The following COL19A1 variants were observed in gnomAD, a reference collection of about 807,000 sequenced individuals.
COL19A1 encodes collagen alpha-1(XIX) chain.
A neutral mutation model predicts 190.2 loss-of-function variants in COL19A1; 159 were observed. The observed-to-expected ratio is 0.84, with a 90% CI of 0.73 to 0.95. The LOEUF (loss-of-function observed/expected upper bound fraction) is 0.95, where lower values mean the gene tolerates loss of function less well. Among genes scored for constraint, COL19A1 ranks in the 40% least tolerant of loss-of-function variants. COL19A1 has a pLI of 0.00. For synonymous variants in COL19A1, 509 were observed against 458.9 expected (o/e 1.11, Z -1.39); for missense variants, 1,418 against 1,431.9 (o/e 0.99, Z 0.16).
intron 44 of COL19A1, among the ~76,000 whole-genome samples, chr6:70,180,818 T>G (rs1367753455): frequency 6.6e-6 from 1 of 152,228 alleles, no homozygotes; most frequent in Non-Finnish European, 1.5e-5. Flanking sequence ...GAAAATATAA[T>G]GGCCTGTCAT....
chr6:69,992,178 C>T (rs897104231), intron 11 of COL19A1, among the ~76,000 whole-genome samples: 4 of 152,052 alleles, frequency 2.6e-5, no homozygotes, highest in African/African-American at 4.8e-5. Flanking sequence ...TGCTTGTTTT[C>T]GTAAGCCTTG....
At chr6:70,142,125 A>C in intron 22 of COL19A1, 49 bp downstream of exon 22, 1 of 1,545,104 alleles carries the variant, frequency 6.5e-7, no homozygotes, top group South Asian at 1.2e-5. Context: ...TGGGAATTGT[A>C]GCCATTCTGT....
At chr6:70,126,835 G>A (rs1785229561) in intron 17 of COL19A1, among the ~76,000 whole-genome samples, 1 of 152,214 alleles carries the variant, frequency 6.6e-6, no homozygotes. Context: ...CTAGCCTCTG[G>A]TGGTTCCTTG....
intron 11 of COL19A1, among the ~76,000 whole-genome samples, chr6:69,994,834 T>C (rs759184388): frequency 2.6e-5 from 4 of 152,060 alleles, no homozygotes; most frequent in Non-Finnish European, 4.4e-5. Flanking sequence ...CATTTGCATC[T>C]GAGAAGAGGA....
chr6:70,184,393 A>G (rs1183728724), intron 44 of COL19A1, among the ~76,000 whole-genome samples: 2 of 152,226 alleles, frequency 1.3e-5, no homozygotes, highest in Non-Finnish European at 2.9e-5. Context: ...ATAGAGGACC[A>G]TGCATTTTTC....
At chr6:69,908,162 T>C (rs1440757278) in intron 4 of COL19A1, among the ~76,000 whole-genome samples, 2 of 152,242 alleles carry the variant, frequency 1.3e-5, no homozygotes, top group Non-Finnish European at 2.9e-5. Flanking sequence ...TAGTTCTCCT[T>C]TGAGTCCTCT....
At chr6:69,873,189 C>G (rs1236976156) in intron 1 of COL19A1, among the ~76,000 whole-genome samples, 1 of 151,950 alleles carries the variant, frequency 6.6e-6, no homozygotes, top group Non-Finnish European at 1.5e-5. Flanking sequence ...GCTAAGGGGA[C>G]CTGCCCACCT....
Position 69,932,806 on chromosome 6 carries a change from C to A in COL19A1, c.690C>A (p.Ile230=). 3 of 1,605,662 alleles carry A rather than the reference C, an allele frequency of 1.9e-6. No homozygotes were observed. The highest frequency in any genetic ancestry group is 2.6e-6 in the Non-Finnish European group (3 of 1,174,928). ...AGATTGAACTTCACCAACTTAAAAT[C>A]TACTGCAGTGCAAACCTCATAGCTC... ...PVDIELHQLK[I]YCSANLIAQE... is the part of the protein sequence containing the mutation. Residue 230 remains isoleucine, a synonymous_variant, in exon 7 of 51, where the codon ATC becomes ATA. Transcript: ENST00000620364.
intron 15 of COL19A1, among the ~76,000 whole-genome samples, chr6:70,075,793 G>A (rs1348111844): frequency 6.6e-6 from 1 of 152,034 alleles, no homozygotes; most frequent in African/African-American, 2.4e-5. Flanking sequence ...AAAAAAAATT[G>A]TAAGCAATGA....
chr6:69,986,390 T>C (rs896315303), intron 11 of COL19A1, among the ~76,000 whole-genome samples: 11 of 152,058 alleles, frequency 7.2e-5, no homozygotes, highest in African/African-American at 2.2e-4. Context: ...GGGTATAAAT[T>C]ATGTCCAGTG....
chr6:70,123,322 G>T (rs1000002560), intron 17 of COL19A1, among the ~76,000 whole-genome samples: 1 of 152,048 alleles, frequency 6.6e-6, no homozygotes, highest in African/African-American at 2.4e-5. Context: ...GTGCTAGAGA[G>T]GATGTGGAGA....
chr6:70,199,163 A>T (rs1767393334), intron 48 of COL19A1, among the ~76,000 whole-genome samples: 2 of 152,254 alleles, frequency 1.3e-5, no homozygotes, highest in African/African-American at 4.8e-5. Flanking sequence ...AACTAGGAGA[A>T]TTAAACTCCA....
intron 11 of COL19A1, among the ~76,000 whole-genome samples, chr6:69,978,997 T>G (rs1156656089): frequency 6.6e-6 from 1 of 151,826 alleles, no homozygotes; most frequent in South Asian, 2.1e-4. Flanking sequence ...AATGGATGAT[T>G]TCCTCAAAAA....
At chr6:69,921,411 C>CATATATATCATATATATCATATCAT (rs377420368) in intron 4 of COL19A1, among the ~76,000 whole-genome samples, 1 of 82,118 alleles carries the variant, frequency 1.2e-5, no homozygotes, top group African/African-American at 6.4e-5. Flanking sequence ...TCATATATAT[C>CATATATATCATATATATCATATCAT]ATATATCATA....
intron 49 of COL19A1, chr6:70,199,951 A>G: frequency 2.2e-6 from 1 of 463,006 alleles, no homozygotes; most frequent in East Asian, 5.0e-5. Flanking sequence ...CTTCAAATTT[A>G]AAACCAAATG....
chr6:70,004,740 A>T (rs985601142), intron 11 of COL19A1, among the ~76,000 whole-genome samples: 2 of 151,970 alleles, frequency 1.3e-5, no homozygotes, highest in South Asian at 4.2e-4. Flanking sequence ...TTCCTCTCTA[A>T]ACTGGTTATT....
chr6:69,958,664 G>A (rs1004647326), intron 9 of COL19A1, among the ~76,000 whole-genome samples: 1 of 152,126 alleles, frequency 6.6e-6, no homozygotes, highest in African/African-American at 2.4e-5. Context: ...TGTGATGATA[G>A]CTGTTTTACC....
At chr6:70,132,391 C>T (rs1186394272) in intron 18 of COL19A1, among the ~76,000 whole-genome samples, 1 of 152,154 alleles carries the variant, frequency 6.6e-6, no homozygotes, top group East Asian at 1.9e-4. Flanking sequence ...AGAGCAAGAC[C>T]TTGTCTCAAA....
intron 48 of COL19A1, among the ~76,000 whole-genome samples, chr6:70,196,537 T>A (rs925862740): frequency 2.6e-5 from 4 of 152,226 alleles, no homozygotes; most frequent in Non-Finnish European, 5.9e-5. Flanking sequence ...AAATAGAAGA[T>A]AGACATGGGC....
Sources: gnomAD v4.1 joint callset for allele counts (sites outside exome capture counted in the v4.1 genomes callset) on GRCh38, gnomAD v4.1.1 for gene constraint, MANE v1.5 for transcripts, NCBI Gene and HGNC (gene_info 2026-07-23, HGNC 2026-07-21) for gene names.